ATF7: variants seen among roughly 807,000 people sequenced by gnomAD.
ATF7 encodes cyclic AMP-dependent transcription factor ATF-7.
A neutral mutation model predicts 50.4 loss-of-function variants in ATF7; 10 were observed. The ratio of observed to expected loss-of-function variants is 0.20; its 90% CI spans 0.12 to 0.34. ATF7 has a LOEUF of 0.34. Ranked by LOEUF, ATF7 falls within the 10% of genes least tolerant of loss-of-function variation. ATF7 has a pLI of 1.00. For missense variants in ATF7, 465 were observed against 613.9 expected (o/e 0.76, Z 2.56); for synonymous variants, 201 against 226.4 (o/e 0.89, Z 1.01).
chr12:53,548,515 T>C (rs974898749), intron 3 of ATF7, among the ~76,000 whole-genome samples: 18 of 151,712 alleles, frequency 1.2e-4, no homozygotes, highest in African/African-American at 4.1e-4. Context: ...AATTTTTTTG[T>C]AGAGATGGGG....
intron 2 of ATF7, among the ~76,000 whole-genome samples, chr12:53,587,844 T>TATATATATATATATATATATA (rs1491300296): frequency 4.4e-3 from 178 of 40,654 alleles, no homozygotes; most frequent in Non-Finnish European, 6.2e-3. Context: ...TATATATATA[T>TATATATATATATATATATATA]TTTTTTTTTT....
At position 53,532,639 on chromosome 12, in the gene ATF7, GA is replaced by G. The variant is rs111391259; in HGVS notation, c.661-17del. The G allele has an allele frequency of 0.14, 159,764 of 1,114,586 alleles. 2,202 individuals are homozygous for G. The highest frequency in any genetic ancestry group is 0.28 in the African/African-American group (17,353 of 62,054). 69.0% of individuals were successfully genotyped at this position (1,114,586 alleles called of 1,614,324 possible). ...GTCTGGCCAGCTGGATCGAGAGAAG[GA>G]AAAAAAAAAAAAGAGAAGGGAACAT... is the stretch of plus-strand genomic sequence containing the variant. On this transcript the variant is annotated splice_polypyrimidine_tract_variant and intron_variant, in intron 7 of 11. Transcript: ENST00000420353.
chr12:53,557,326 C>A (rs1305404165), intron 2 of ATF7, among the ~76,000 whole-genome samples: 3 of 152,022 alleles, frequency 2.0e-5, no homozygotes, highest in Admixed American at 6.6e-5. Flanking sequence ...CCCAGCCTCC[C>A]GAGTAGCTGG....
intron 1 of ATF7, among the ~76,000 whole-genome samples, chr12:53,624,430 T>TA (rs1944524053): frequency 6.6e-6 from 1 of 152,216 alleles, no homozygotes; most frequent in Non-Finnish European, 1.5e-5. Context: ...AGAAGGAATG[T>TA]AAAAGCAAAA....
intron 2 of ATF7, among the ~76,000 whole-genome samples, chr12:53,578,240 G>A (rs1001428744): frequency 6.6e-6 from 1 of 151,710 alleles, no homozygotes; most frequent in African/African-American, 2.4e-5. Context: ...CAAGTGTCCT[G>A]GCGTGTACCT....
chr12:53,540,743 AAAT>A (rs1255721717), intron 4 of ATF7, among the ~76,000 whole-genome samples: 1 of 151,652 alleles, frequency 6.6e-6, no homozygotes, highest in Admixed American at 6.6e-5. Context: ...TAATAATAAT[AAAT>A]AATAATAAAA....
chr12:53,610,735 A>G (rs945037629), intron 1 of ATF7, among the ~76,000 whole-genome samples: 1 of 152,188 alleles, frequency 6.6e-6, no homozygotes, highest in East Asian at 1.9e-4. Context: ...TTATATAAAT[A>G]AATGTCCCGA....
intron 1 of ATF7, among the ~76,000 whole-genome samples, chr12:53,619,065 A>G (rs931747098): frequency 3.5e-4 from 53 of 152,024 alleles, no homozygotes; most frequent in Non-Finnish European, 5.9e-5. Context: ...AAAAAAAAAA[A>G]AAGAAGAAAA....
Position 53,534,587 on chromosome 12 carries a change from G to A in ATF7, c.475C>T (p.His159Tyr). ...GGATGAAGTGGATCATAGCCCAAGT[G>A]GAGAGGCAGGGAGCCAGGACGTACA... ...TIVRPGSLPL[H>Y]LGYDPLHPTL... The change falls in exon 6 of 12, where the codon CAC becomes TAC. Residue 159 changes from histidine to tyrosine, a missense_variant. Coordinates refer to ENST00000420353, the MANE Select transcript of ATF7 (RefSeq NM_006856.3). The A allele has an allele frequency of 6.2e-7, 1 of 1,613,702 alleles. No individual in the cohort carries two copies. The highest frequency in any genetic ancestry group is 8.5e-7 in the Non-Finnish European group (1 of 1,179,816).
At chr12:53,573,602 A>G (rs1361358316) in intron 2 of ATF7, among the ~76,000 whole-genome samples, 1 of 151,960 alleles carries the variant, frequency 6.6e-6, no homozygotes, top group South Asian at 2.1e-4. Flanking sequence ...CAGAGGGCTG[A>G]CTGTATATAG....
rs559258162 is a variant in ATF7 at position 53,529,897 on chromosome 12, C to T, written c.927+1847G>A. On this transcript the variant is annotated intron_variant, in intron 9 of 11. Coordinates refer to ENST00000420353, the MANE Select transcript of ATF7 (RefSeq NM_006856.3). ...CTGGGATTACAGGCGTGCGCCACCA[C>T]GCCTGGCTAATCTTTGTATTTTTTT... Among the ~76,000 whole-genome samples, 9 of 151,360 alleles carry T rather than the reference C, an allele frequency of 5.9e-5. No homozygotes were observed. The South Asian group carries it at 1.3e-3, about 21-fold the overall frequency.
At chr12:53,578,731 C>CTA (rs1200727482) in intron 2 of ATF7, among the ~76,000 whole-genome samples, 1 of 149,962 alleles carries the variant, frequency 6.7e-6, no homozygotes, top group Admixed American at 6.7e-5. Flanking sequence ...CTGTAGTGAG[C>CTA]TACAACCTTG....
intron 2 of ATF7, among the ~76,000 whole-genome samples, chr12:53,564,061 C>T (rs1490712749): frequency 6.6e-6 from 1 of 152,110 alleles, no homozygotes; most frequent in Non-Finnish European, 1.5e-5. Context: ...GATTCCAGCA[C>T]TGAATTTTAT....
At position 53,514,177 on chromosome 12, in the gene ATF7, A is replaced by G. The variant is rs1944219224; in HGVS notation, c.*2960T>C. ...TGGGGCAGAAAGTGAGCAGACCAGA[A>G]GACCTGGTTCTGTCCCCTCCCTCTG... is the stretch of plus-strand genomic sequence containing the variant. On this transcript the variant is annotated 3_prime_UTR_variant, in exon 12 of 12. Transcript: ENST00000420353. 1 of 152,178 alleles carries G rather than the reference A, an allele frequency of 6.6e-6. No homozygotes were observed. The highest frequency in any genetic ancestry group is 1.5e-5 in the Non-Finnish European group (1 of 68,032). The allele number at this position is 152,178 out of a possible 1,614,324, so 9.4% of individuals were successfully genotyped here. A position where few individuals can be genotyped will look rare whatever the true frequency, so the allele number is the denominator to read the frequency against.
At chr12:53,561,731 G>GA (rs1200320666) in intron 2 of ATF7, among the ~76,000 whole-genome samples, 2 of 151,798 alleles carry the variant, frequency 1.3e-5, no homozygotes, top group Admixed American at 6.6e-5. Context: ...TAAATAAAAG[G>GA]AAAAAAAAGA....
At position 53,529,734 on chromosome 12, in the gene ATF7, C is replaced by CACACACACACACACATAT. The variant is rs1298379846; in HGVS notation, c.927+2009_927+2010insATATGTGTGTGTGTGTGT. Reference sequence around the variant, plus strand: ...ATACACACACACACACACACACACACATATATATATGTTTTTTTTTTTTTG... The same window carrying CACACACACACACACATAT: ...ATACACACACACACACACACACACACACACACACACACACATATATATATATATGTTTTTTTTTTTTTG... On this transcript the variant is annotated intron_variant, in intron 9 of 11. Transcript: ENST00000420353. Among the ~76,000 whole-genome samples the CACACACACACACACATAT allele has an allele frequency of 2.2e-3, 311 of 143,374 alleles. 3 individuals are homozygous for CACACACACACACACATAT. Among genetic ancestry groups the CACACACACACACACATAT allele is most frequent in the South Asian group, 0.016 (72 of 4,526 alleles). The allele number at this position is 143,374 out of a possible 152,430, so 94.1% of individuals were successfully genotyped here. A position where few individuals can be genotyped will look rare whatever the true frequency, so the allele number is the denominator to read the frequency against.
In ATF7 at chr12:53,603,724, T is replaced by TA. The variant is rs966226042; in HGVS notation, c.-21-2704dup. Among the ~76,000 whole-genome samples the TA allele has an allele frequency of 2.5e-3, 357 of 144,672 alleles. 1 individual carries two copies. The highest frequency in any genetic ancestry group is 3.5e-3 in the South Asian group (16 of 4,582). 94.9% of individuals were successfully genotyped at this position (144,672 alleles called of 152,430 possible). A position where few individuals can be genotyped will look rare whatever the true frequency, so the allele number is the denominator to read the frequency against. ...AAATAAGAATGATCTGTCTCCCCATTAAAAAAAAAAACACAGCTAACACCT... is the reference window on the plus strand; with the variant it reads ...AAATAAGAATGATCTGTCTCCCCATTAAAAAAAAAAAACACAGCTAACACCT... On this transcript the variant is annotated intron_variant, in intron 1 of 11. Coordinates refer to ENST00000420353, the MANE Select transcript of ATF7 (RefSeq NM_006856.3).
chr12:53,529,743 ATGT>A (rs1938747895), intron 9 of ATF7, among the ~76,000 whole-genome samples: 1 of 148,546 alleles, frequency 6.7e-6, no homozygotes, highest in African/African-American at 2.5e-5. Context: ...ACATATATAT[ATGT>A]TTTTTTTTTT....
At chr12:53,536,822 AG>A (rs781203202) in intron 5 of ATF7, among the ~76,000 whole-genome samples, 20 of 151,982 alleles carry the variant, frequency 1.3e-4, no homozygotes, top group Non-Finnish European at 2.5e-4. Context: ...TGGGAGGCAG[AG>A]GTTGCAGTGA....
Sources: allele counts gnomAD v4.1 joint callset (sites outside exome capture counted in the v4.1 genomes callset), GRCh38; gene constraint gnomAD v4.1.1; transcripts MANE v1.5; gene names NCBI Gene and HGNC (gene_info 2026-07-23, HGNC 2026-07-21).